ZFP30: variants seen among roughly 807,000 people sequenced by gnomAD.
ZFP30 encodes the protein zinc finger protein 30 homolog.
ZFP30 carries 16 observed loss-of-function variants against 12.3 expected under a neutral mutation model. The observed-to-expected ratio is 1.30, with a 90% CI of 0.88 to 1.98. The LOEUF (loss-of-function observed/expected upper bound fraction) is 1.98. Ranked by LOEUF, ZFP30 falls within the 30% of genes most tolerant of loss-of-function variation. The pLI, the probability that ZFP30 is intolerant of heterozygous loss-of-function variation, is 0.00. For missense variants in ZFP30, 560 were observed against 611.2 expected, an observed-to-expected ratio of 0.92 and a Z score of 0.88; for synonymous variants, 172 against 201.0, an observed-to-expected ratio of 0.86 and a Z score of 1.22.
In ZFP30 at chr19:37,647,865, A is replaced by G; in HGVS notation, c.-43T>C. 4 of 1,613,154 alleles carry G rather than the reference A, an allele frequency of 2.5e-6. No individual in the cohort carries two copies. Among genetic ancestry groups the G allele is most frequent in the Non-Finnish European group, 3.4e-6 (4 of 1,179,124 alleles). Reference sequence around the variant, plus strand: ...AACTGGTCAATTTTCCTCAAGGTTCATGTACTTCAGAAGCAGGGTCCACAG... The same window carrying G: ...AACTGGTCAATTTTCCTCAAGGTTCGTGTACTTCAGAAGCAGGGTCCACAG... On this transcript the variant is annotated 5_prime_UTR_variant, in exon 3 of 6. The change abolishes an upstream ATG in the 5' untranslated region. Coordinates refer to ENST00000684514, the MANE Select transcript of ZFP30 (RefSeq NM_001320669.3).
chr19:37,653,463 A>T (rs2044693207), intron 2 of ZFP30, among the ~76,000 whole-genome samples: 1 of 152,236 alleles, frequency 6.6e-6, no homozygotes, highest in Non-Finnish European at 1.5e-5. Context: ...AAAATAACTT[A>T]AAAACCTTTA....
chr19:37,631,063 G>GT lies in ZFP30; in HGVS notation c.*3917_*3918insA, dbSNP rs2147244585. 6.6e-6 allele frequency: 1 copy of GT among 152,314 alleles called. No individual in the cohort carries two copies. The highest frequency in any genetic ancestry group is 2.4e-5 in the African/African-American group (1 of 41,574). 9.4% of individuals were successfully genotyped at this position (152,314 alleles called of 1,614,324 possible). ...AAAGCAACAGTTCAATATTCAGAAA[G>GT]AACAGGTGACTTTAGAACATGATGC... On this transcript the variant is annotated 3_prime_UTR_variant, in exon 6 of 6. Coordinates refer to ENST00000684514, the MANE Select transcript of ZFP30 (RefSeq NM_001320669.3).
chr19:37,631,902 C>A lies in ZFP30; in HGVS notation c.*3079G>T, dbSNP rs2044240014. The stretch of plus-strand genomic sequence containing the variant: ...CATAGAAATTAGAATTACCAGATTT[C>A]TCTTCATACGGAAAATGTCTAGATT... On this transcript the variant is annotated 3_prime_UTR_variant, in exon 6 of 6. Transcript: ENST00000684514. The A allele has an allele frequency of 1.3e-5, 2 of 152,202 alleles. No homozygotes were observed. The highest frequency in any genetic ancestry group is 4.1e-4 in the South Asian group (2 of 4,830). 9.4% of individuals were successfully genotyped at this position (152,202 alleles called of 1,614,324 possible).
intron 2 of ZFP30, among the ~76,000 whole-genome samples, chr19:37,652,041 T>A (rs2044662005): frequency 6.6e-6 from 1 of 152,198 alleles, no homozygotes; most frequent in South Asian, 2.1e-4. Context: ...GATTTTAAAA[T>A]TAATTTTAAA....
chr19:37,647,433 T>TA (rs760697881), intron 3 of ZFP30, among the ~76,000 whole-genome samples: 1 of 152,106 alleles, frequency 6.6e-6, no homozygotes, highest in Non-Finnish European at 1.5e-5. Flanking sequence ...AATGATTTTA[T>TA]AAGGGGTTTC....
rs769522597 is a variant in ZFP30 at position 37,636,319 on chromosome 19, AG to A, written c.236-15del. The A allele has an allele frequency of 3.9e-6, 6 of 1,556,158 alleles. No individual in the cohort carries two copies. The highest frequency in any genetic ancestry group is 4.3e-6 in the Non-Finnish European group (5 of 1,156,920). ...TGGATTCCAAATCTGAAAGAAAACAAGACCAAAACATATTTTCCTGTTCTAC... is the reference window on the plus strand; with the variant it reads ...TGGATTCCAAATCTGAAAGAAAACAAACCAAAACATATTTTCCTGTTCTAC... On this transcript the variant is annotated splice_polypyrimidine_tract_variant and intron_variant, in intron 5 of 5. Coordinates refer to ENST00000684514, the MANE Select transcript of ZFP30 (RefSeq NM_001320669.3).
intron 2 of ZFP30, among the ~76,000 whole-genome samples, chr19:37,650,923 A>C (rs890759937): frequency 1.3e-5 from 2 of 151,872 alleles, no homozygotes; most frequent in Non-Finnish European, 2.9e-5. Flanking sequence ...TTTTTTGTAG[A>C]GATGGGGTTT....
rs762953316 is a variant in ZFP30 at position 37,643,308 on chromosome 19, C to T, written c.192G>A (p.Glu64=). The T allele has an allele frequency of 6.2e-7, 1 of 1,611,290 alleles. No homozygotes were observed. The highest frequency in any genetic ancestry group is 1.3e-5 in the African/African-American group (1 of 74,814). The part of the protein sequence containing the change: ...DVITLLEQGK[E]PWMVVRDEKR... Reference sequence around the variant, plus strand: ...TCTCATCCCTCACAACCATCCAGGGCTCTTTCCCTTGTTCCAATAGGGTGA... The same window carrying T: ...TCTCATCCCTCACAACCATCCAGGGTTCTTTCCCTTGTTCCAATAGGGTGA... The change falls in exon 5 of 6, where the codon GAG becomes GAA. Residue 64 remains glutamate, a synonymous_variant. Transcript: ENST00000684514.
At chr19:37,646,580 C>G (rs989141360) in intron 3 of ZFP30, among the ~76,000 whole-genome samples, 1 of 152,062 alleles carries the variant, frequency 6.6e-6, no homozygotes, top group Admixed American at 6.6e-5. Context: ...GGTTTTGAGG[C>G]AGGGTCTCAC....
intron 5 of ZFP30, among the ~76,000 whole-genome samples, chr19:37,637,621 CTG>C (rs1420874328): frequency 6.6e-6 from 1 of 152,070 alleles, no homozygotes; most frequent in Non-Finnish European, 1.5e-5. Flanking sequence ...TCCCAAGTAA[CTG>C]GGATTACAAG....
Position 37,635,657 on chromosome 19 carries a change from T to G in ZFP30, c.884A>C (p.Glu295Ala). 1 of 1,614,188 alleles carries G rather than the reference T, an allele frequency of 6.2e-7. No individual in the cohort carries two copies. Among genetic ancestry groups the G allele is most frequent in the Middle Eastern group, 1.6e-4 (1 of 6,062 alleles). Residue 295 changes from glutamate to alanine, a missense_variant, in exon 6 of 6, where the codon GAG (glutamate) becomes GCG (alanine). Physicochemically the swap from Glu to Ala is moderately radical, Grantham distance 107 (BLOSUM62 -1). Coordinates refer to ENST00000684514, the MANE Select transcript of ZFP30 (RefSeq NM_001320669.3). ...LTRHQRLNIAEKCYECKECGQ... is the reference protein window; with the variant it reads ...LTRHQRLNIAAKCYECKECGQ... ...ACATTCCTTACACTCATAGCACTTC[T>G]CAGCAATGTTCAGTCTCTGATGTCG...
At chr19:37,641,224 CCT>C (rs755197412) in intron 5 of ZFP30, among the ~76,000 whole-genome samples, 3 of 152,104 alleles carry the variant, frequency 2.0e-5, no homozygotes, top group Admixed American at 6.6e-5. Flanking sequence ...ACAAAACTAC[CCT>C]CTCTCTCTAC....
At position 37,631,857 on chromosome 19, in the gene ZFP30, A is replaced by C. The variant is rs1293467207; in HGVS notation, c.*3124T>G. On this transcript the variant is annotated 3_prime_UTR_variant, in exon 6 of 6. Transcript: ENST00000684514. The stretch of plus-strand genomic sequence containing the variant: ...TCCACATAAATGATTTTCTATTCTA[A>C]ACTGTTGGATATAATTTCCCATAGA... The C allele has an allele frequency of 1.3e-5, 2 of 152,088 alleles. No individual in the cohort carries two copies. Among genetic ancestry groups the C allele is most frequent in the Non-Finnish European group, 2.9e-5 (2 of 67,988 alleles). 9.4% of individuals were successfully genotyped at this position (152,088 alleles called of 1,614,324 possible).
At chr19:37,650,455 A>G (rs2044626763) in intron 2 of ZFP30, among the ~76,000 whole-genome samples, 1 of 152,124 alleles carries the variant, frequency 6.6e-6, no homozygotes, top group South Asian at 2.1e-4. Context: ...CAAAAATTCA[A>G]AACAGCTATG....
At chr19:37,637,548 T>C (rs1362918113) in intron 5 of ZFP30, among the ~76,000 whole-genome samples, 1 of 152,080 alleles carries the variant, frequency 6.6e-6, no homozygotes, top group African/African-American at 2.4e-5. Flanking sequence ...TGAAGTGCAG[T>C]GGCATGATCT....
chr19:37,637,021 A>G (rs2044342001), intron 5 of ZFP30, among the ~76,000 whole-genome samples: 1 of 150,812 alleles, frequency 6.6e-6, no homozygotes, highest in Non-Finnish European at 1.5e-5. Flanking sequence ...CAATCTTTCC[A>G]CTTTTTGGAG....
At position 37,647,845 on chromosome 19, in the gene ZFP30, G is replaced by A; in HGVS notation, c.-23C>T. ...CATGATTTTAGAACTGCTAGAACTG[G>A]TCAATTTTCCTCAAGGTTCATGTAC... On this transcript the variant is annotated 5_prime_UTR_variant, in exon 3 of 6. Transcript: ENST00000684514. 1.9e-6 allele frequency: 3 copies of A among 1,613,996 alleles called. No homozygotes were observed. The highest frequency in any genetic ancestry group is 1.7e-4 in the Middle Eastern group (1 of 6,060).
rs752442394 is a variant in ZFP30, at chr19:37,636,066, C to T, written c.475G>A (p.Glu159Lys). The T allele has an allele frequency of 3.4e-5, 55 of 1,614,018 alleles. No individual in the cohort carries two copies. Among genetic ancestry groups the T allele is most frequent in the Non-Finnish European group, 4.5e-5 (53 of 1,180,028 alleles). The change falls in exon 6 of 6, where the codon GAA becomes AAA. Residue 159 changes from glutamate (E) to lysine (K), a missense_variant. Transcript: ENST00000684514. ...QKSHNREKPY[E>K]CGECGKAFRV... The stretch of plus-strand genomic sequence containing the variant: ...AAAGCCTTCCCACATTCCCCACATT[C>T]GTAGGGTTTCTCTCTGTTATGACTT...
intron 2 of ZFP30, among the ~76,000 whole-genome samples, chr19:37,653,311 A>C (rs1012476839): frequency 6.6e-6 from 1 of 152,162 alleles, no homozygotes; most frequent in African/African-American, 2.4e-5. Flanking sequence ...AAAGTGATTA[A>C]GAGCCAGTAA....
Sources: gnomAD v4.1 joint callset for allele counts (sites outside exome capture counted in the v4.1 genomes callset) on GRCh38, gnomAD v4.1.1 for gene constraint, MANE v1.5 for transcripts, NCBI Gene and HGNC (gene_info 2026-07-23, HGNC 2026-07-21) for gene names.